SOD2: variants seen among roughly 807,000 people sequenced by gnomAD.
SOD2 encodes superoxide dismutase [Mn], mitochondrial.
Under a neutral mutation model 27.0 loss-of-function variants are expected in SOD2, and 11 were observed. That is an observed-to-expected ratio of 0.41 (90% CI 0.26 to 0.67). The LOEUF is 0.67. Among genes scored for constraint, SOD2 ranks in the 30% least tolerant of loss-of-function variants. SOD2 has a pLI of 0.34. For missense variants in SOD2, 250 were observed against 274.5 expected, an observed-to-expected ratio of 0.91 and a Z score of 0.63; for synonymous variants, 105 against 103.0, an observed-to-expected ratio of 1.02 and a Z score of -0.12.
At position 159,681,814 on chromosome 6, in the gene SOD2, T is replaced by C. The variant is rs1779975057; in HGVS notation, c.*679A>G. The C allele has an allele frequency of 6.6e-6, 1 of 152,178 alleles. No individual in the cohort carries two copies. Among genetic ancestry groups the C allele is most frequent in the Non-Finnish European group, 1.5e-5 (1 of 68,032 alleles). 9.4% of individuals were successfully genotyped at this position (152,178 alleles called of 1,614,324 possible). A position where few individuals can be genotyped will look rare whatever the true frequency, so the allele number is the denominator to read the frequency against. On this transcript the variant is annotated 3_prime_UTR_variant, in exon 5 of 5. Transcript: ENST00000538183. ...TGGGTCTCAAGCATGAGCTGCCCAA[T>C]TCTCCTTGCTTGGCGCCCTGCAAAT...
At chr6:159,713,962 C>A in intron 1 of SOD2, 1 of 829,586 alleles carries the variant, frequency 1.2e-6, no homozygotes, top group Non-Finnish European at 1.9e-6. Flanking sequence ...CCACGAACCC[C>A]TCCCTGCCTT....
At chr6:159,750,339 A>G (rs1300763164) in intron 1 of SOD2, among the ~76,000 whole-genome samples, 1 of 152,236 alleles carries the variant, frequency 6.6e-6, no homozygotes, top group Non-Finnish European at 1.5e-5. Flanking sequence ...GATAACAGTC[A>G]TGAGTTCTAT....
At chr6:159,695,288 C>A (rs1396981711), upstream of SOD2, among the ~76,000 whole-genome samples, 1 of 152,088 alleles carries the variant, frequency 6.6e-6, no homozygotes, top group Non-Finnish European at 1.5e-5. Flanking sequence ...GAGAGTGATA[C>A]TTTGAGAGTT....
upstream of SOD2, chr6:159,727,809 C>A: frequency 1.3e-6 from 1 of 798,348 alleles, no homozygotes; most frequent in Middle Eastern, 6.4e-4. Flanking sequence ...GCCCGAAAGG[C>A]CACACGGGCC....
intron 3 of SOD2, among the ~76,000 whole-genome samples, chr6:159,686,465 G>A (rs1382401146): frequency 6.6e-6 from 1 of 152,078 alleles, no homozygotes; most frequent in Non-Finnish European, 1.5e-5. Context: ...TGACCAACAT[G>A]GAGAAACTCC....
At chr6:159,711,524 T>TAACCACCTCCAC (rs1777764812) in intron 1 of SOD2, among the ~76,000 whole-genome samples, 1 of 40,742 alleles carries the variant, frequency 2.5e-5, no homozygotes, top group Admixed American at 2.8e-4. Context: ...ACCACCTCCA[T>TAACCACCTCCAC]AACCACCACT....
In SOD2 at chr6:159,675,629, T is replaced by G. The variant is rs1394820966; in HGVS notation, c.*6864A>C. On this transcript the variant is annotated 3_prime_UTR_variant, in exon 5 of 5. Coordinates refer to ENST00000538183, the MANE Select transcript of SOD2 (RefSeq NM_000636.4). ...GGATTAAAGACTTAAATGTTAGACCTAAAACCATAAAAACCCTAGAAGAAA... is the reference window on the plus strand; with the variant it reads ...GGATTAAAGACTTAAATGTTAGACCGAAAACCATAAAAACCCTAGAAGAAA... 6.6e-6 allele frequency: 1 copy of G among 152,120 alleles called. No individual in the cohort carries two copies. The highest frequency in any genetic ancestry group is 1.5e-5 in the Non-Finnish European group (1 of 68,020). 9.4% of individuals were successfully genotyped at this position (152,120 alleles called of 1,614,324 possible). A position where few individuals can be genotyped will look rare whatever the true frequency, so the allele number is the denominator to read the frequency against.
At chr6:159,725,478 CA>C (rs71756873) in intron 1 of SOD2, 4,240 of 104,454 alleles carry the variant, frequency 0.041, 65 homozygotes, top group Middle Eastern at 0.12. Context: ...GAGACTGTCT[CA>C]AAAAAAAAAA....
chr6:159,723,870 C>T lies in SOD2; in HGVS notation c.-116+3259G>A, dbSNP rs146155204. Among the ~76,000 whole-genome samples, 13 of 152,236 alleles carry T rather than the reference C, an allele frequency of 8.5e-5. No homozygotes were observed. The East Asian group carries it at 2.5e-3, about 29-fold the overall frequency. ...AACTCCTGGGCTCATTTGGGCCTCT[C>T]GCCTCAGCCTCCCAAGTAGCTAGGA... On this transcript the variant is annotated intron_variant, in intron 1 of 2. Coordinates refer to the SOD2 transcript ENST00000401980.
intron 1 of SOD2, among the ~76,000 whole-genome samples, chr6:159,732,898 T>TA (rs1778675699): frequency 2.1e-5 from 1 of 47,720 alleles, no homozygotes; most frequent in African/African-American, 4.1e-5. Context: ...TGTGTGTGTG[T>TA]GTGTGTGTGT....
Position 159,758,090 on chromosome 6 carries a change from A to G in SOD2, c.-336+2947T>C, listed in dbSNP as rs543452285. The stretch of plus-strand genomic sequence containing the variant: ...GGAATTGGATGCTTTATTTTCTGGT[A>G]TGCCTGTGATAAGAGAGGTGATAGA... On this transcript the variant is annotated intron_variant, in intron 1 of 7. Transcript: ENST00000546087. Among the ~76,000 whole-genome samples the G allele has an allele frequency of 2.7e-3, 404 of 152,290 alleles. 2 individuals are homozygous for G. Among genetic ancestry groups the G allele is most frequent in the African/African-American group, 9.2e-3 (384 of 41,564 alleles).
intron 3 of SOD2, among the ~76,000 whole-genome samples, chr6:159,686,566 G>A (rs1780195546): frequency 2.0e-5 from 3 of 152,136 alleles, no homozygotes; most frequent in Admixed American, 2.0e-4. Flanking sequence ...AGAATCACTT[G>A]AACCCGGGAT....
At chr6:159,719,951 C>T (rs903375030) in intron 1 of SOD2, among the ~76,000 whole-genome samples, 16 of 150,556 alleles carry the variant, frequency 1.1e-4, no homozygotes, top group South Asian at 2.1e-4. Context: ...CTCGAACTCC[C>T]GACCTCAAGT....
At chr6:159,720,308 C>G (rs1052093128) in intron 1 of SOD2, 2 of 152,166 alleles carry the variant, frequency 1.3e-5, no homozygotes, top group African/African-American at 2.4e-5. Context: ...CCTCGGCCTC[C>G]TAGAGTGCTG....
intron 1 of SOD2, among the ~76,000 whole-genome samples, chr6:159,733,505 C>T (rs1428323583): frequency 6.6e-6 from 1 of 152,070 alleles, no homozygotes; most frequent in South Asian, 2.1e-4. Context: ...GCCTGTAGTC[C>T]CAGGTACTCG....
intron 1 of SOD2, chr6:159,755,760 C>CTTTTTTTTTTTTTTTTTTTTTTT (rs1779984995): frequency 2.5e-5 from 7 of 283,696 alleles, no homozygotes; most frequent in African/African-American, 1.5e-4. Flanking sequence ...TTTTTTTTTT[C>CTTTTTTTTTTTTTTTTTTTTTTT]TTTTCTTTTT....
chr6:159,727,333 T>C (rs1353718000), exon 1 of SOD2: 4 of 1,240,652 alleles, frequency 3.2e-6, no homozygotes, highest in Non-Finnish European at 4.1e-6. Flanking sequence ...GCGACTCTCC[T>C]GTGAGTGGGC....
chr6:159,728,527 T>C (rs909332774), upstream of SOD2, among the ~76,000 whole-genome samples: 2 of 152,260 alleles, frequency 1.3e-5, no homozygotes, highest in Non-Finnish European at 2.9e-5. Context: ...TTTAGTTAAT[T>C]CCATTGCTTC....
chr6:159,741,891 C>T (rs1018577114), intron 1 of SOD2: 6 of 466,158 alleles, frequency 1.3e-5, no homozygotes, highest in Admixed American at 8.1e-5. Context: ...ATCGCTTGAG[C>T]CCAGACCCTG....
Sources: allele counts gnomAD v4.1 joint callset (sites outside exome capture counted in the v4.1 genomes callset), GRCh38; gene constraint gnomAD v4.1.1; transcripts MANE v1.5; gene names NCBI Gene and HGNC (gene_info 2026-07-23, HGNC 2026-07-21).